The following CARMIL1 variants were observed in gnomAD, a reference collection of about 807,000 sequenced individuals.
The protein encoded by CARMIL1 is capping protein regulator and myosin 1 linker 1, also known as F-actin-uncapping protein LRRC16A.
Under a neutral mutation model 177.1 loss-of-function variants are expected in CARMIL1, and 90 were observed. The ratio of observed to expected loss-of-function variants is 0.51; its 90% confidence interval spans 0.43 to 0.61. The LOEUF (loss-of-function observed/expected upper bound fraction) is 0.61. Among genes scored for constraint, CARMIL1 ranks in the 20% least tolerant of loss-of-function variants. The pLI, the probability that CARMIL1 is intolerant of heterozygous loss-of-function variation, is 0.00. For missense variants in CARMIL1, 1,380 were observed against 1,667.0 expected (o/e 0.83, Z 3.00); for synonymous variants, 577 against 606.2 (o/e 0.95, Z 0.71).
chr6:25,357,440 C>T (rs893994812), intron 2 of CARMIL1, among the ~76,000 whole-genome samples: 11 of 151,702 alleles, frequency 7.3e-5, no homozygotes, highest in African/African-American at 1.9e-4. Context: ...AAAAATTAGC[C>T]GGATGTGTTG....
intron 12 of CARMIL1, 144 bp from the exon 13 acceptor site, chr6:25,488,338 A>G (rs1312728313): frequency 8.7e-6 from 6 of 685,718 alleles, no homozygotes; most frequent in Non-Finnish European, 1.6e-5. Context: ...AGGAGACACA[A>G]TCATAGCGCC....
intron 10 of CARMIL1, among the ~76,000 whole-genome samples, chr6:25,471,695 AATT>A (rs556125342): frequency 8.3e-4 from 126 of 152,338 alleles, no homozygotes; most frequent in South Asian, 1.2e-3. Context: ...ATGTAGGTTT[AATT>A]ATTATCGTTA....
At chr6:25,511,610 A>C (rs566446735) in intron 20 of CARMIL1, among the ~76,000 whole-genome samples, 1 of 152,326 alleles carries the variant, frequency 6.6e-6, no homozygotes, top group South Asian at 2.1e-4. Context: ...TATATTAATC[A>C]TGTGGAGTAT....
chr6:25,291,045 CA>C (rs1781922477), intron 2 of CARMIL1, among the ~76,000 whole-genome samples: 1 of 152,166 alleles, frequency 6.6e-6, no homozygotes, highest in Admixed American at 6.5e-5. Context: ...CTTCTGGACT[CA>C]AGCGATTCTC....
At chr6:25,456,491 A>AT (rs1162020244) in intron 8 of CARMIL1, among the ~76,000 whole-genome samples, 3 of 152,144 alleles carry the variant, frequency 2.0e-5, no homozygotes, top group Non-Finnish European at 4.4e-5. Context: ...TCCAGTTGGC[A>AT]TTTTATTTAA....
intron 2 of CARMIL1, among the ~76,000 whole-genome samples, chr6:25,305,163 C>T (rs1190294515): frequency 2.0e-5 from 3 of 152,102 alleles, no homozygotes; most frequent in East Asian, 1.9e-4. Context: ...GGCAGATACA[C>T]GGGCATTTAA....
In CARMIL1 at chr6:25,515,726, A is replaced by G. The variant is rs1805923961; in HGVS notation, c.1684A>G (p.Ile562Val). ...ADSKLKTEVTIIINALGSNTS... is the reference protein window; with the variant it reads ...ADSKLKTEVTVIINALGSNTS... ...CTCGAAACTCAAGACTGAGGTCACC[A>G]TCATCATCAATGCCCTGGGAAGCAA... Residue 562 changes from isoleucine to valine, a missense_variant, in exon 21 of 37, where the codon ATC becomes GTC. By Grantham distance (29) the Ile-to-Val change is conservative. Transcript: ENST00000329474. The surrounding 1 kb of genome is among the most constrained non-coding windows in gnomAD (Gnocchi z 5.0). 3 of 1,609,966 alleles carry G rather than the reference A, an allele frequency of 1.9e-6. No homozygotes were observed. In the African/African-American group the frequency reaches 4.0e-5, roughly 22 times the overall value.
intron 2 of CARMIL1, among the ~76,000 whole-genome samples, chr6:25,288,662 C>T (rs1781710145): frequency 2.0e-5 from 3 of 152,234 alleles, no homozygotes; most frequent in African/African-American, 7.2e-5. Flanking sequence ...TCTGTTTTCT[C>T]CGTGGTGCGG....
Position 25,522,724 on chromosome 6 carries a change from A to G in CARMIL1, c.1968+2387A>G, listed in dbSNP as rs902790591. Among the ~76,000 whole-genome samples the G allele has an allele frequency of 4.6e-5, 7 of 152,202 alleles. No homozygotes were observed. The South Asian group carries it at 1.0e-3, about 23-fold the overall frequency. On this transcript the variant is annotated intron_variant, in intron 23 of 36. Transcript: ENST00000329474. ...CCATGTTTTATTCTCCTAATGGTCT[A>G]TGAGTTACTTGATGGCAGAGCTTAT...
intron 2 of CARMIL1, among the ~76,000 whole-genome samples, chr6:25,397,016 A>G (rs1318823216): frequency 1.3e-5 from 2 of 152,106 alleles, no homozygotes; most frequent in Non-Finnish European, 2.9e-5. Flanking sequence ...AACCTAGCTC[A>G]TGAGAGCGGC....
Position 25,335,989 on chromosome 6 carries a change from C to G in CARMIL1, c.138+51080C>G, listed in dbSNP as rs577848512. On this transcript the variant is annotated intron_variant, in intron 2 of 36. Coordinates refer to ENST00000329474, the MANE Select transcript of CARMIL1 (RefSeq NM_017640.6). ...GTTACTGCTCTGTTACTGTGCTGGC[C>G]CAATGAAATAGTCTCTCGGCCATTT... Among the ~76,000 whole-genome samples, 7 of 152,178 alleles carry G rather than the reference C, an allele frequency of 4.6e-5. No individual in the cohort carries two copies. The East Asian group carries it at 1.2e-3, about 25-fold the overall frequency.
chr6:25,551,005 C>T lies in CARMIL1; in HGVS notation c.2424C>T (p.Thr808=), dbSNP rs531644167. ...HIRQDLIHAS[T]EKISIPRTFV... ...GACAAGACTTGATTCATGCCAGCAC[C>T]GAAAAGATTTCTATTCCACGTACCT... Residue 808 remains threonine, a synonymous_variant, in exon 27 of 37, where the codon ACC becomes ACT. Coordinates refer to ENST00000329474, the MANE Select transcript of CARMIL1 (RefSeq NM_017640.6). 2.7e-5 allele frequency: 43 copies of T among 1,613,392 alleles called. No homozygotes were observed. Among genetic ancestry groups the T allele is most frequent in the Middle Eastern group, 3.3e-4 (2 of 6,054 alleles).
At chr6:25,514,479 G>A (rs755917021) in intron 20 of CARMIL1, among the ~76,000 whole-genome samples, 2 of 148,588 alleles carry the variant, frequency 1.3e-5, no homozygotes, top group African/African-American at 4.9e-5. Context: ...TCTGGGAGGC[G>A]GAGGTTGCAG....
At chr6:25,580,032 A>G (rs1812983255) in intron 29 of CARMIL1, among the ~76,000 whole-genome samples, 1 of 152,202 alleles carries the variant, frequency 6.6e-6, no homozygotes, top group South Asian at 2.1e-4. Flanking sequence ...AAACATCCCT[A>G]ACATCCATCC....
intron 2 of CARMIL1, chr6:25,389,043 A>G (rs1460053247): frequency 6.6e-6 from 1 of 152,086 alleles, no homozygotes. Context: ...ATTAGCTTTT[A>G]CTCCTTACTG....
At chr6:25,425,684 A>C (rs1329231293) in intron 3 of CARMIL1, among the ~76,000 whole-genome samples, 1 of 152,132 alleles carries the variant, frequency 6.6e-6, no homozygotes, top group Non-Finnish European at 1.5e-5. Flanking sequence ...GACTGGGGAT[A>C]TTTTAAAGAA....
At chr6:25,286,971 A>G (rs1399760819) in intron 2 of CARMIL1, among the ~76,000 whole-genome samples, 1 of 152,228 alleles carries the variant, frequency 6.6e-6, no homozygotes. Flanking sequence ...CTCCCCAAAT[A>G]TGGAATCTAA....
chr6:25,610,949 C>G (rs1816461064), intron 36 of CARMIL1, among the ~76,000 whole-genome samples: 1 of 152,024 alleles, frequency 6.6e-6, no homozygotes, highest in African/African-American at 2.4e-5. Flanking sequence ...ATTCTGGAGC[C>G]ACACAAGTCG....
chr6:25,496,024 G>A (rs1209223372), intron 16 of CARMIL1, among the ~76,000 whole-genome samples: 3 of 152,082 alleles, frequency 2.0e-5, no homozygotes, highest in Non-Finnish European at 2.9e-5. Flanking sequence ...CTTGTAATGT[G>A]TATGAAATGT....
Sources: gnomAD v4.1 joint callset for allele counts (sites outside exome capture counted in the v4.1 genomes callset) on GRCh38, gnomAD v4.1.1 for gene constraint, Gnocchi (gnomAD v3.1) non-coding constraint, MANE v1.5 for transcripts, NCBI Gene and HGNC (gene_info 2026-07-23, HGNC 2026-07-21) for gene names.